Variants in GABRR2 observed in about 807,000 individuals in gnomAD.
GABRR2 encodes gamma-aminobutyric acid receptor subunit rho-2.
GABRR2 carries 36 observed loss-of-function variants against 47.0 expected under a neutral mutation model. That is an observed-to-expected ratio of 0.77 (90% CI 0.59 to 1.01). The LOEUF (loss-of-function observed/expected upper bound fraction) is 1.01. Among genes scored for constraint, GABRR2 ranks in the 50% least tolerant of loss-of-function variants. The probability of loss-of-function intolerance (pLI) is 0.00; values close to 1 mark genes in which losing one functional copy is unlikely to be tolerated. For missense variants in GABRR2, 587 were observed against 594.6 expected (o/e 0.99, Z 0.13); for synonymous variants, 204 against 227.5 (o/e 0.90, Z 0.93).
chr6:89,266,023 C>T (rs190237934), intron 6 of GABRR2, among the ~76,000 whole-genome samples: 181 of 152,200 alleles, frequency 1.2e-3, no homozygotes, highest in Admixed American at 2.2e-3. Flanking sequence ...TTTTGGGAAA[C>T]GGCAGAACTA....
intron 1 of GABRR2, among the ~76,000 whole-genome samples, chr6:89,307,455 C>G (rs1186298264): frequency 6.6e-6 from 1 of 152,174 alleles, no homozygotes; most frequent in Admixed American, 6.5e-5. Flanking sequence ...TAAATCCCAC[C>G]CCTAGAGATT....
At chr6:89,272,550 T>G (rs184487018) in intron 2 of GABRR2, among the ~76,000 whole-genome samples, 22 of 152,154 alleles carry the variant, frequency 1.4e-4, no homozygotes, top group African/African-American at 5.1e-4. Context: ...TTTTTTAAAC[T>G]TAGAAAGGGA....
intron 2 of GABRR2, among the ~76,000 whole-genome samples, chr6:89,272,718 G>T (rs1190493581): frequency 1.3e-5 from 2 of 152,220 alleles, no homozygotes; most frequent in East Asian, 1.9e-4. Flanking sequence ...CACAGGATCA[G>T]GACGTTGTGA....
At chr6:89,274,779 T>C (rs1489916574) in intron 2 of GABRR2, among the ~76,000 whole-genome samples, 1 of 152,104 alleles carries the variant, frequency 6.6e-6, no homozygotes, top group East Asian at 1.9e-4. Flanking sequence ...AGGTGGAGAA[T>C]TGCTTGAGCC....
At chr6:89,292,323 T>G (rs1774455474) in intron 2 of GABRR2, among the ~76,000 whole-genome samples, 1 of 135,468 alleles carries the variant, frequency 7.4e-6, no homozygotes, top group Non-Finnish European at 1.6e-5. Flanking sequence ...GAAAACAGCA[T>G]GGTGGTTTCT....
chr6:89,289,385 TG>T (rs1774396375), intron 2 of GABRR2, among the ~76,000 whole-genome samples: 1 of 152,136 alleles, frequency 6.6e-6, no homozygotes, highest in Non-Finnish European at 1.5e-5. Flanking sequence ...CTAAGAGATA[TG>T]GGAGAGCCAG....
Position 89,264,609 on chromosome 6 carries a change from C to G in GABRR2, c.890-1G>C. On this transcript the variant is annotated splice_acceptor_variant, in intron 7 of 8. Transcript: ENST00000402938. LOFTEE classifies it high-confidence loss of function. ...GTCATGGTCAGCACCGTCGTGATAC[C>G]TGCAACACCCGGCCTTAGTTGGGCT... 4 of 1,613,972 alleles carry G rather than the reference C, an allele frequency of 2.5e-6. No individual in the cohort carries two copies. The highest frequency in any genetic ancestry group is 3.4e-6 in the Non-Finnish European group (4 of 1,179,900).
intron 2 of GABRR2, among the ~76,000 whole-genome samples, chr6:89,290,125 C>G (rs1001761413): frequency 9.8e-5 from 15 of 152,346 alleles, no homozygotes; most frequent in African/African-American, 3.1e-4. Context: ...TAAAAACAAA[C>G]TGTAAAATGA....
intron 1 of GABRR2, among the ~76,000 whole-genome samples, chr6:89,312,100 G>A (rs893799053): frequency 1.3e-5 from 2 of 152,190 alleles, no homozygotes; most frequent in Non-Finnish European, 2.9e-5. Flanking sequence ...GACCTGCAGG[G>A]GCCTGACAGT....
chr6:89,259,933 C>T (rs561873242), intron 8 of GABRR2, among the ~76,000 whole-genome samples: 83 of 132,336 alleles, frequency 6.3e-4, no homozygotes, highest in African/African-American at 2.3e-3. Context: ...TAGACAGGGT[C>T]CTGCTTTATT....
intron 8 of GABRR2, 34 bp downstream of exon 8, chr6:89,264,378 T>A (rs760608244): frequency 1.3e-6 from 2 of 1,591,382 alleles, no homozygotes; most frequent in Non-Finnish European, 1.7e-6. Flanking sequence ...CCCAGCAGCA[T>A]GGACTTAGAC....
intron 6 of GABRR2, among the ~76,000 whole-genome samples, chr6:89,266,689 A>G (rs1009527344): frequency 2.0e-5 from 3 of 152,226 alleles, no homozygotes; most frequent in African/African-American, 7.2e-5. Context: ...TATTCACAAT[A>G]TGGTACAACC....
At chr6:89,280,230 AT>A (rs1774234112) in intron 2 of GABRR2, among the ~76,000 whole-genome samples, 1 of 81,334 alleles carries the variant, frequency 1.2e-5, no homozygotes, top group African/African-American at 4.5e-5. Context: ...ATATATATAT[AT>A]ATATATATAT....
chr6:89,313,815 G>A (rs1321079755), intron 1 of GABRR2, among the ~76,000 whole-genome samples: 1 of 152,166 alleles, frequency 6.6e-6, no homozygotes, highest in African/African-American at 2.4e-5. Context: ...TACTCGGGAG[G>A]CTGAGGCAGG....
At chr6:89,260,565 T>C (rs1020893214) in intron 8 of GABRR2, among the ~76,000 whole-genome samples, 1 of 152,240 alleles carries the variant, frequency 6.6e-6, no homozygotes, top group African/African-American at 2.4e-5. Context: ...TGCACTTGTC[T>C]GCCCTTCAAA....
chr6:89,271,838 T>C, intron 2 of GABRR2, 116 bp from the exon 3 acceptor site: 1 of 769,218 alleles, frequency 1.3e-6, no homozygotes, highest in Non-Finnish European at 2.2e-6. Context: ...GGGCAGAGGT[T>C]TAGAATTCTA....
At chr6:89,301,646 C>G in intron 1 of GABRR2, 1 of 432,000 alleles carries the variant, frequency 2.3e-6, no homozygotes. Context: ...AATAAAATGC[C>G]TAGGAATACA....
At chr6:89,272,467 T>C (rs1216593644) in intron 2 of GABRR2, among the ~76,000 whole-genome samples, 1 of 152,220 alleles carries the variant, frequency 6.6e-6, no homozygotes, top group Non-Finnish European at 1.5e-5. Flanking sequence ...ATGTAGTGAG[T>C]GGTACACTTA....
intron 1 of GABRR2, among the ~76,000 whole-genome samples, chr6:89,304,889 CA>C (rs1767531948): frequency 6.6e-6 from 1 of 152,138 alleles, no homozygotes; most frequent in Non-Finnish European, 1.5e-5. Context: ...TGTGATTCCT[CA>C]AAAAGCTAAA....
Sources: gnomAD v4.1 joint callset for allele counts (sites outside exome capture counted in the v4.1 genomes callset) on GRCh38, gnomAD v4.1.1 for gene constraint, MANE v1.5 for transcripts, NCBI Gene and HGNC (gene_info 2026-07-23, HGNC 2026-07-21) for gene names.